Variants in TMTC2 observed in about 807,000 individuals in gnomAD.
The protein encoded by TMTC2 is protein O-mannosyl-transferase TMTC2.
TMTC2 carries 43 observed loss-of-function variants against 82.4 expected under a neutral mutation model. The observed-to-expected ratio is 0.52, with a 90% CI of 0.41 to 0.67. The LOEUF is 0.67. Ranked by LOEUF, TMTC2 falls within the 30% of genes least tolerant of loss-of-function variation. The pLI, the probability that TMTC2 is intolerant of heterozygous loss-of-function variation, is 0.00. For missense variants in TMTC2, 919 were observed against 1,012.4 expected (o/e 0.91, Z 1.25); for synonymous variants, 408 against 381.9 (o/e 1.07, Z -0.80).
intron 1 of TMTC2, among the ~76,000 whole-genome samples, chr12:82,810,876 C>G (rs561646046): frequency 6.6e-6 from 1 of 152,212 alleles, no homozygotes; most frequent in South Asian, 2.1e-4. Context: ...GTTGCTTCCC[C>G]TTCACCTTCC....
At chr12:83,025,553 T>C (rs1248197070) in intron 8 of TMTC2, among the ~76,000 whole-genome samples, 1 of 152,166 alleles carries the variant, frequency 6.6e-6, no homozygotes, top group East Asian at 1.9e-4. Context: ...CAAGCCGTTG[T>C]CCCGCAGACA....
intron 11 of TMTC2, among the ~76,000 whole-genome samples, chr12:83,115,681 C>T (rs1251860080): frequency 6.6e-6 from 1 of 151,272 alleles, no homozygotes. Context: ...TATTGGGGAA[C>T]GGGTGGTGTT....
Position 82,811,730 on chromosome 12 carries a change from G to T in TMTC2, c.84-45280G>T, listed in dbSNP as rs1357890617. On this transcript the variant is annotated intron_variant, in intron 1 of 11. Transcript: ENST00000321196. ...CTATGAAAAGTATTTTTTAATATTA[G>T]ATCCCTGCTTATAGGTAAAATTACT... 2.0e-5 allele frequency among the ~76,000 whole-genome samples: 3 copies of T among 150,032 alleles called. No homozygotes were observed. The East Asian group carries it at 5.9e-4, about 29-fold the overall frequency.
intron 2 of TMTC2, among the ~76,000 whole-genome samples, chr12:82,864,790 C>T (rs148881096): frequency 2.6e-4 from 39 of 151,516 alleles, no homozygotes; most frequent in African/African-American, 5.3e-4. Context: ...CGTGAGCCAC[C>T]GCGCCCGGCC....
At chr12:82,724,659 G>C (rs1469505676) in intron 1 of TMTC2, among the ~76,000 whole-genome samples, 1 of 152,262 alleles carries the variant, frequency 6.6e-6, no homozygotes, top group Middle Eastern at 3.4e-3. Flanking sequence ...CTTTATAGAT[G>C]TGTGAAAACG....
intron 1 of TMTC2, among the ~76,000 whole-genome samples, chr12:82,814,581 A>G (rs1472902041): frequency 1.3e-5 from 2 of 152,208 alleles, no homozygotes; most frequent in African/African-American, 4.8e-5. Context: ...ACGGAGGATT[A>G]TAAAGGAAGC....
intron 8 of TMTC2, among the ~76,000 whole-genome samples, chr12:82,993,711 A>G (rs973671222): frequency 3.3e-5 from 5 of 152,150 alleles, no homozygotes; most frequent in African/African-American, 1.2e-4. Flanking sequence ...TCAAGGGTCA[A>G]TTGTATATTG....
intron 2 of TMTC2, among the ~76,000 whole-genome samples, chr12:82,867,902 G>C (rs1565784982): frequency 6.6e-6 from 1 of 152,106 alleles, no homozygotes; most frequent in African/African-American, 2.4e-5. Context: ...TTTGGTATTT[G>C]GCTAATCTTT....
chr12:83,080,032 G>A (rs7955507), intron 11 of TMTC2, among the ~76,000 whole-genome samples: 148,412 of 152,280 alleles, frequency 0.97, 72,341 homozygotes, highest in East Asian at 1. Context: ...ACATGTGCGT[G>A]TGCTTAGTTT....
At chr12:82,996,597 C>G (rs1234797363) in intron 8 of TMTC2, among the ~76,000 whole-genome samples, 1 of 152,142 alleles carries the variant, frequency 6.6e-6, no homozygotes, top group African/African-American at 2.4e-5. Flanking sequence ...CCTCAATATG[C>G]AGAATGACTC....
intron 1 of TMTC2, among the ~76,000 whole-genome samples, chr12:82,695,065 A>C (rs1872726502): frequency 6.6e-6 from 1 of 152,222 alleles, no homozygotes; most frequent in Non-Finnish European, 1.5e-5. Context: ...AAGAGTGGCC[A>C]CTGGGACGCA....
At chr12:82,746,113 G>T (rs2136959625) in intron 1 of TMTC2, among the ~76,000 whole-genome samples, 1 of 152,294 alleles carries the variant, frequency 6.6e-6, no homozygotes, top group East Asian at 1.9e-4. Flanking sequence ...GCCTTCATTT[G>T]TCTTAGAATT....
intron 3 of TMTC2, among the ~76,000 whole-genome samples, chr12:82,917,160 G>A (rs1400994174): frequency 6.6e-6 from 1 of 152,102 alleles, no homozygotes; most frequent in Non-Finnish European, 1.5e-5. Flanking sequence ...AATAGATGGA[G>A]TGGGAAGACA....
At chr12:82,902,662 A>T (rs1327054472) in intron 3 of TMTC2, among the ~76,000 whole-genome samples, 2 of 152,240 alleles carry the variant, frequency 1.3e-5, no homozygotes, top group South Asian at 2.1e-4. Context: ...ACTGTCCCCA[A>T]TTATTCTCTG....
intron 11 of TMTC2, among the ~76,000 whole-genome samples, chr12:83,093,264 G>C (rs866271491): frequency 5.2e-4 from 79 of 152,134 alleles, no homozygotes; most frequent in African/African-American, 1.8e-3. Flanking sequence ...TTGTCACCAA[G>C]TCTATAAAGT....
intron 8 of TMTC2, among the ~76,000 whole-genome samples, chr12:83,027,000 C>T (rs929309805): frequency 1.3e-5 from 2 of 151,990 alleles, no homozygotes; most frequent in Admixed American, 1.3e-4. Context: ...TCCGAGTGGA[C>T]CTGACCAGGC....
intron 11 of TMTC2, among the ~76,000 whole-genome samples, chr12:83,065,598 CT>C: frequency 6.6e-6 from 1 of 151,892 alleles, no homozygotes; most frequent in South Asian, 2.1e-4. Context: ...AGGAAAACTC[CT>C]TACCGAAATT....
At position 83,134,731 on chromosome 12, in the gene TMTC2, A is replaced by G. The variant is rs1459740490; in HGVS notation, c.*2342A>G. ...ATAGAGCACAAGACAAGTTTACTAAATTAAAATTTTATTTTTTGAGAAACT... is the reference window on the plus strand; with the variant it reads ...ATAGAGCACAAGACAAGTTTACTAAGTTAAAATTTTATTTTTTGAGAAACT... On this transcript the variant is annotated 3_prime_UTR_variant, in exon 12 of 12. Coordinates refer to ENST00000321196, the MANE Select transcript of TMTC2 (RefSeq NM_152588.3). 2 of 152,202 alleles carry G rather than the reference A, an allele frequency of 1.3e-5. No homozygotes were observed. The highest frequency in any genetic ancestry group is 4.8e-5 in the African/African-American group (2 of 41,454). The allele number at this position is 152,202 out of a possible 1,614,324, so 9.4% of individuals were successfully genotyped here. A position where few individuals can be genotyped will look rare whatever the true frequency, so the allele number is the denominator to read the frequency against.
intron 9 of TMTC2, among the ~76,000 whole-genome samples, chr12:83,043,896 TTAG>T (rs1251256541): frequency 1.3e-5 from 2 of 152,214 alleles, no homozygotes; most frequent in African/African-American, 4.8e-5. Context: ...ATAATAGGTA[TTAG>T]TAGACAAATT....
Sources: allele counts gnomAD v4.1 joint callset (sites outside exome capture counted in the v4.1 genomes callset), GRCh38; gene constraint gnomAD v4.1.1; transcripts MANE v1.5; gene names NCBI Gene and HGNC (gene_info 2026-07-23, HGNC 2026-07-21).